ZNF804B: variants seen among roughly 807,000 people sequenced by gnomAD.
ZNF804B encodes the protein zinc finger protein 804B, also known as zinc finger 804B.
A neutral mutation model predicts 101.4 loss-of-function variants in ZNF804B; 80 were observed. The observed-to-expected ratio is 0.79, with a 90% CI of 0.66 to 0.95. The LOEUF is 0.95. Ranked by LOEUF, ZNF804B falls within the 40% of genes least tolerant of loss-of-function variation. ZNF804B has a pLI of 0.00. For synonymous variants in ZNF804B, 622 were observed against 558.8 expected, an observed-to-expected ratio of 1.11 and a Z score of -1.59; for missense variants, 1,673 against 1,561.9, an observed-to-expected ratio of 1.07 and a Z score of -1.20.
chr7:88,812,640 T>A (rs1018296810), intron 1 of ZNF804B, among the ~76,000 whole-genome samples: 2 of 152,172 alleles, frequency 1.3e-5, no homozygotes, highest in African/African-American at 4.8e-5. Flanking sequence ...TGAATTGATT[T>A]AAAAATGTGG....
chr7:88,892,764 C>A (rs973615509), intron 1 of ZNF804B, among the ~76,000 whole-genome samples: 4 of 152,084 alleles, frequency 2.6e-5, no homozygotes, highest in African/African-American at 9.7e-5. Flanking sequence ...ATCTCCTGGT[C>A]ACTTCGTTCC....
At chr7:88,917,497 T>C (rs1792653858) in intron 1 of ZNF804B, among the ~76,000 whole-genome samples, 1 of 152,164 alleles carries the variant, frequency 6.6e-6, no homozygotes, top group Non-Finnish European at 1.5e-5. Context: ...TGGTACACTA[T>C]TGACTCAAGT....
At chr7:88,843,569 C>G (rs761857918) in intron 1 of ZNF804B, among the ~76,000 whole-genome samples, 1 of 151,994 alleles carries the variant, frequency 6.6e-6, no homozygotes, top group Admixed American at 6.6e-5. Flanking sequence ...AACCCCGTCT[C>G]TACTAAAAAT....
chr7:89,090,514 T>G (rs1362725986), intron 1 of ZNF804B, among the ~76,000 whole-genome samples: 1 of 152,066 alleles, frequency 6.6e-6, no homozygotes, highest in African/African-American at 2.4e-5. Flanking sequence ...TAACCCAAAA[T>G]ATTGTATATA....
At position 88,872,556 on chromosome 7, in the gene ZNF804B, TG is replaced by T. The variant is rs559297736; in HGVS notation, c.108+112473del. ...CATATGTATACATGTGCCATGCTGGTGCACTGCACCCATTAACTCGTCATCT... is the reference window on the plus strand; with the variant it reads ...CATATGTATACATGTGCCATGCTGGTCACTGCACCCATTAACTCGTCATCT... On this transcript the variant is annotated intron_variant, in intron 1 of 3. Transcript: ENST00000333190. Among the ~76,000 whole-genome samples, 201 of 152,170 alleles carry T rather than the reference TG, an allele frequency of 1.3e-3. 5 individuals carry two copies. The East Asian group carries it at 0.038, about 29-fold the overall frequency.
At chr7:88,842,672 A>G (rs1000370643) in intron 1 of ZNF804B, among the ~76,000 whole-genome samples, 2 of 152,234 alleles carry the variant, frequency 1.3e-5, no homozygotes. Context: ...ACTTTTCAAC[A>G]GCATGCAATT....
At chr7:89,290,661 A>G (rs1217525674) in intron 2 of ZNF804B, among the ~76,000 whole-genome samples, 1 of 152,056 alleles carries the variant, frequency 6.6e-6, no homozygotes, top group Non-Finnish European at 1.5e-5. Flanking sequence ...GGAGAGGTAA[A>G]AGGGGGAAGG....
chr7:89,327,690 G>A (rs1250868202), intron 3 of ZNF804B, among the ~76,000 whole-genome samples: 2 of 151,852 alleles, frequency 1.3e-5, no homozygotes, highest in Non-Finnish European at 2.9e-5. Flanking sequence ...ATAATGAAAT[G>A]ATCCCAGAAT....
At chr7:88,854,915 C>G (rs1475126252) in intron 1 of ZNF804B, among the ~76,000 whole-genome samples, 1 of 151,722 alleles carries the variant, frequency 6.6e-6, no homozygotes, top group Non-Finnish European at 1.5e-5. Flanking sequence ...TCATCCATGT[C>G]CCTACAAAGG....
intron 1 of ZNF804B, among the ~76,000 whole-genome samples, chr7:88,821,772 A>G (rs1380835197): frequency 1.3e-5 from 2 of 152,174 alleles, no homozygotes; most frequent in African/African-American, 2.4e-5. Flanking sequence ...GAGGAAAGTC[A>G]GTTATTATTC....
chr7:88,902,913 C>G (rs1268077087), intron 1 of ZNF804B, among the ~76,000 whole-genome samples: 1 of 151,916 alleles, frequency 6.6e-6, no homozygotes, highest in Non-Finnish European at 1.5e-5. Flanking sequence ...CGTAAAATGC[C>G]AGTTTTTGAT....
intron 1 of ZNF804B, among the ~76,000 whole-genome samples, chr7:89,206,017 A>C (rs1788709456): frequency 6.6e-6 from 1 of 152,198 alleles, no homozygotes; most frequent in Non-Finnish European, 1.5e-5. Flanking sequence ...GTGCATCTGC[A>C]GGCTTAATAC....
At chr7:89,189,752 A>G (rs1788427051) in intron 1 of ZNF804B, among the ~76,000 whole-genome samples, 1 of 152,120 alleles carries the variant, frequency 6.6e-6, no homozygotes, top group Non-Finnish European at 1.5e-5. Context: ...TCTGGGACTG[A>G]TAATTCCAAA....
intron 1 of ZNF804B, among the ~76,000 whole-genome samples, chr7:88,876,446 A>G (rs1791940006): frequency 6.6e-6 from 1 of 152,170 alleles, no homozygotes; most frequent in Non-Finnish European, 1.5e-5. Context: ...TTATTCCAGC[A>G]TCTATACCTT....
chr7:89,243,249 A>T (rs1789395883), intron 2 of ZNF804B, among the ~76,000 whole-genome samples: 1 of 151,532 alleles, frequency 6.6e-6, no homozygotes, highest in Admixed American at 6.6e-5. Flanking sequence ...GGCAGTTACA[A>T]ATAAGAAAAT....
chr7:89,275,167 A>G (rs1404153187), intron 2 of ZNF804B, among the ~76,000 whole-genome samples: 1 of 152,002 alleles, frequency 6.6e-6, no homozygotes. Context: ...GGAAGTGGAA[A>G]GTTCAGCCTT....
intron 1 of ZNF804B, among the ~76,000 whole-genome samples, chr7:89,156,674 A>G (rs1224075656): frequency 2.0e-5 from 3 of 152,068 alleles, no homozygotes; most frequent in South Asian, 2.1e-4. Context: ...TCTCTGGAGC[A>G]ATTTTTGTTA....
intron 1 of ZNF804B, among the ~76,000 whole-genome samples, chr7:89,130,779 A>T (rs1790535460): frequency 6.6e-6 from 1 of 151,982 alleles, no homozygotes. Context: ...TTTCAGAATG[A>T]CAGGAATAAC....
intron 1 of ZNF804B, among the ~76,000 whole-genome samples, chr7:89,158,623 C>G (rs1175549166): frequency 1.3e-5 from 2 of 151,990 alleles, no homozygotes; most frequent in Non-Finnish European, 2.9e-5. Context: ...GCTTAAATAC[C>G]TAGTTTTTCT....
Sources: gnomAD v4.1 joint callset for allele counts (sites outside exome capture counted in the v4.1 genomes callset) on GRCh38, gnomAD v4.1.1 for gene constraint, MANE v1.5 for transcripts, NCBI Gene and HGNC (gene_info 2026-07-23, HGNC 2026-07-21) for gene names.